The following MTFR1 variants were observed in gnomAD, a reference collection of about 807,000 sequenced individuals.
MTFR1 encodes chondrocyte protein with a poly-proline region.
MTFR1 carries 28 observed loss-of-function variants against 38.8 expected under a neutral mutation model. The ratio of observed to expected loss-of-function variants is 0.72; its 90% CI spans 0.53 to 0.99. MTFR1 has a LOEUF of 0.99. Among genes scored for constraint, MTFR1 ranks in the 50% least tolerant of loss-of-function variants. The probability of loss-of-function intolerance (pLI) is 0.00; values close to 1 mark genes in which losing one functional copy is unlikely to be tolerated. For synonymous variants in MTFR1, 145 were observed against 137.0 expected (o/e 1.06, Z -0.41); for missense variants, 358 against 395.5 (o/e 0.91, Z 0.81).
intron 2 of MTFR1, among the ~76,000 whole-genome samples, chr8:65,675,325 G>A (rs1804681866): frequency 6.7e-6 from 1 of 149,830 alleles, no homozygotes; most frequent in South Asian, 2.1e-4. Context: ...GCCGGGCGCG[G>A]TGGCTTACGC....
chr8:65,723,533 A>G lies in MTFR1; in HGVS notation c.*48+4052A>G, dbSNP rs370828356. 10 of 1,552,872 alleles carry G rather than the reference A, an allele frequency of 6.4e-6. No individual in the cohort carries two copies. The African/African-American group carries it at 8.3e-5, about 13-fold the overall frequency. On this transcript the variant is annotated intron_variant, in intron 3 of 3. Transcript: ENST00000521247. Reference sequence around the variant, plus strand: ...TCTAACCAGCTATATCTAAATATGTATAGTTACCAATCTGGATGTTGGCAA... The same window carrying G: ...TCTAACCAGCTATATCTAAATATGTGTAGTTACCAATCTGGATGTTGGCAA...
intron 7 of MTFR1, chr8:65,708,317 C>T: frequency 2.3e-6 from 1 of 431,188 alleles, no homozygotes; most frequent in East Asian, 5.0e-5. Context: ...TAAGTAATCT[C>T]CAATGTTACA....
chr8:65,743,839 CTTT>C (rs71981429), intron 3 of MTFR1, among the ~76,000 whole-genome samples: 2 of 145,288 alleles, frequency 1.4e-5, no homozygotes, highest in Non-Finnish European at 3.0e-5. Context: ...AGCTGAATTG[CTTT>C]TTTTTTTTTT....
At chr8:65,715,723 C>T (rs1450540323) in intron 2 of MTFR1, among the ~76,000 whole-genome samples, 2 of 146,778 alleles carry the variant, frequency 1.4e-5, no homozygotes, top group Non-Finnish European at 3.0e-5. Context: ...CGGTGGCTCA[C>T]GCCTGTAATC....
At chr8:65,692,408 G>C (rs1805306385) in intron 3 of MTFR1, among the ~76,000 whole-genome samples, 1 of 152,048 alleles carries the variant, frequency 6.6e-6, no homozygotes, top group South Asian at 2.1e-4. Flanking sequence ...TGCAATCTTG[G>C]CTCACTGCAA....
intron 3 of MTFR1, among the ~76,000 whole-genome samples, chr8:65,769,352 T>A (rs952737874): frequency 6.6e-6 from 1 of 152,066 alleles, no homozygotes; most frequent in Admixed American, 6.5e-5. Context: ...TGACTTAACT[T>A]AAAAATTACA....
chr8:65,765,216 G>A (rs979417779), intron 3 of MTFR1, among the ~76,000 whole-genome samples: 1 of 152,066 alleles, frequency 6.6e-6, no homozygotes, highest in Admixed American at 6.6e-5. Flanking sequence ...CGAGCCGGGC[G>A]CGGTGGCTCA....
intron 2 of MTFR1, among the ~76,000 whole-genome samples, chr8:65,680,210 C>T (rs1804836564): frequency 6.6e-6 from 1 of 152,098 alleles, no homozygotes; most frequent in African/African-American, 2.4e-5. Context: ...GTTGCTTAGG[C>T]TGGAGTGCAG....
chr8:65,674,827 T>C (rs1804665787), intron 2 of MTFR1, among the ~76,000 whole-genome samples: 1 of 152,122 alleles, frequency 6.6e-6, no homozygotes, highest in Non-Finnish European at 1.5e-5. Flanking sequence ...AATAGAACAA[T>C]GCACTTTACA....
intron 1 of MTFR1, among the ~76,000 whole-genome samples, chr8:65,650,904 A>G (rs1364535503): frequency 6.6e-6 from 1 of 152,160 alleles, no homozygotes; most frequent in Non-Finnish European, 1.5e-5. Flanking sequence ...GGTTGAGCAA[A>G]TTTACAGTCC....
chr8:65,704,638 G>A, intron 4 of MTFR1, 56 bp from the exon 5 acceptor site: 11 of 1,401,502 alleles, frequency 7.8e-6, no homozygotes, highest in Non-Finnish European at 1.1e-5. Flanking sequence ...GGTGAGGATG[G>A]TGTTTCACGT....
intron 3 of MTFR1, chr8:65,734,668 G>C: frequency 1.6e-6 from 1 of 634,388 alleles, no homozygotes; most frequent in Non-Finnish European, 2.9e-6. Flanking sequence ...GATCCAGCTA[G>C]ATCTCATTCT....
At chr8:65,653,246 C>T (rs546939756) in intron 1 of MTFR1, among the ~76,000 whole-genome samples, 18 of 152,262 alleles carry the variant, frequency 1.2e-4, no homozygotes, top group Non-Finnish European at 1.9e-4. Flanking sequence ...CAGTGGCACA[C>T]GCCTGTAATC....
chr8:65,669,108 T>G (rs1253081357), intron 1 of MTFR1, among the ~76,000 whole-genome samples: 1 of 152,240 alleles, frequency 6.6e-6, no homozygotes, highest in African/African-American at 2.4e-5. Context: ...GGTGGGAAGC[T>G]TAACCTGCTT....
At chr8:65,726,330 A>ATT (rs3834875) in intron 3 of MTFR1, among the ~76,000 whole-genome samples, 1 of 149,650 alleles carries the variant, frequency 6.7e-6, no homozygotes, top group Non-Finnish European at 1.5e-5. Flanking sequence ...TAGCCCATTT[A>ATT]TTTTTTTTTC....
At chr8:65,772,574 T>C (rs916707565), downstream of MTFR1, among the ~76,000 whole-genome samples, 1 of 152,152 alleles carries the variant, frequency 6.6e-6, no homozygotes, top group Non-Finnish European at 1.5e-5. Flanking sequence ...ACTGATATCT[T>C]CAACTAGTGC....
At chr8:65,776,967 T>C in the MTFR1 span, among the ~76,000 whole-genome samples, 1 of 152,188 alleles carries the variant, frequency 6.6e-6, no homozygotes, top group Non-Finnish European at 1.5e-5. Context: ...GCATTAAATA[T>C]GATGTTTGCT....
rs542347213 is a variant in MTFR1, at chr8:65,718,889, A to G, written c.382-491A>G. 1.1e-4 allele frequency: 20 copies of G among 177,670 alleles called. 1 individual carries two copies. The South Asian group carries it at 2.6e-3, about 23-fold the overall frequency. 11.0% of individuals were successfully genotyped at this position (177,670 alleles called of 1,614,324 possible). A position where few individuals can be genotyped will look rare whatever the true frequency, so the allele number is the denominator to read the frequency against. ...ATTTCCATTTTCTCAGAGAGAACTT[A>G]GTGGAAGGTACAAGATACACATTGT... On this transcript the variant is annotated intron_variant, in intron 2 of 3. Transcript: ENST00000521247.
At chr8:65,727,520 C>T in intron 3 of MTFR1, 1 of 465,516 alleles carries the variant, frequency 2.1e-6, no homozygotes, top group East Asian at 3.5e-5. Context: ...TGGCCCTGCC[C>T]ATGTGGAGTT....
Sources: allele counts gnomAD v4.1 joint callset (sites outside exome capture counted in the v4.1 genomes callset), GRCh38; gene constraint gnomAD v4.1.1; transcripts MANE v1.5; gene names NCBI Gene and HGNC (gene_info 2026-07-23, HGNC 2026-07-21).